Variants in AUTS2 observed in about 807,000 individuals in gnomAD.
AUTS2 encodes the protein activator of transcription and developmental regulator AUTS2.
AUTS2 carries 17 observed loss-of-function variants against 112.4 expected under a neutral mutation model. The ratio of observed to expected loss-of-function variants is 0.15; its 90% CI spans 0.10 to 0.23. The LOEUF is 0.23. Among genes scored for constraint, AUTS2 ranks in the 10% least tolerant of loss-of-function variants. The pLI, the probability that AUTS2 is intolerant of heterozygous loss-of-function variation, is 1.00. For synonymous variants in AUTS2, 751 were observed against 702.7 expected, an observed-to-expected ratio of 1.07 and a Z score of -1.09; for missense variants, 1,510 against 1,701.6, an observed-to-expected ratio of 0.89 and a Z score of 1.98.
At chr7:70,006,281 G>C (rs1799540545) in intron 2 of AUTS2, among the ~76,000 whole-genome samples, 1 of 152,156 alleles carries the variant, frequency 6.6e-6, no homozygotes, top group Non-Finnish European at 1.5e-5. Flanking sequence ...CTTCCGTGGT[G>C]ACACTTAGAA....
In AUTS2 at chr7:69,643,411, A is replaced by G. The variant is rs77370476; in HGVS notation, c.309+43449A>G. On this transcript the variant is annotated intron_variant, in intron 1 of 18. Coordinates refer to ENST00000342771, the MANE Select transcript of AUTS2 (RefSeq NM_015570.4). ...GTCTGAAGCATCTGTCAGCCACACC[A>G]TATTTCAGGTTTTTTTTTTTTCTGT... 206 of 152,694 alleles carry G rather than the reference A, an allele frequency of 1.3e-3. 1 individual carries two copies. Among genetic ancestry groups the G allele is most frequent in the East Asian group, 0.012 (64 of 5,172 alleles). The allele number at this position is 152,694 out of a possible 1,614,324, so 9.5% of individuals were successfully genotyped here. A position where few individuals can be genotyped will look rare whatever the true frequency, so the allele number is the denominator to read the frequency against.
chr7:70,343,602 T>C (rs1158109777), intron 4 of AUTS2, among the ~76,000 whole-genome samples: 1 of 152,066 alleles, frequency 6.6e-6, no homozygotes, highest in Non-Finnish European at 1.5e-5. Context: ...AAACACTAAG[T>C]GGTGGTTTCA....
chr7:70,622,129 C>T (rs1195922497), intron 5 of AUTS2, among the ~76,000 whole-genome samples: 1 of 152,080 alleles, frequency 6.6e-6, no homozygotes, highest in African/African-American at 2.4e-5. Context: ...TGAGCCATTG[C>T]GCCTGGCTAG....
At chr7:70,069,573 C>T (rs768118480) in intron 2 of AUTS2, among the ~76,000 whole-genome samples, 6 of 152,180 alleles carry the variant, frequency 3.9e-5, no homozygotes, top group Non-Finnish European at 5.9e-5. Flanking sequence ...GCAGATGACA[C>T]TGCTTATTAT....
intron 2 of AUTS2, among the ~76,000 whole-genome samples, chr7:69,904,291 A>T (rs775323323): frequency 2.1e-4 from 32 of 152,198 alleles, no homozygotes; most frequent in Non-Finnish European, 4.1e-4. Flanking sequence ...TTTTGTCTGA[A>T]GAGCTTTCTC....
chr7:69,760,214 T>TA lies in AUTS2; in HGVS notation c.310-139069dup, dbSNP rs1050893322. On this transcript the variant is annotated intron_variant, in intron 1 of 18. Transcript: ENST00000342771. ...CTTTTTTTCTTTTTTTTTTTTTTTTTAAATAGAGATAGGGTTTTCCATGTT... is the reference window on the plus strand; with the variant it reads ...CTTTTTTTCTTTTTTTTTTTTTTTTTAAAATAGAGATAGGGTTTTCCATGTT... Among the ~76,000 whole-genome samples the TA allele has an allele frequency of 3.5e-5, 5 of 143,986 alleles. 1 individual carries two copies. The highest frequency in any genetic ancestry group is 1.0e-4 in the African/African-American group (4 of 38,376). The allele number at this position is 143,986 out of a possible 152,430, so 94.5% of individuals were successfully genotyped here. A position where few individuals can be genotyped will look rare whatever the true frequency, so the allele number is the denominator to read the frequency against.
intron 4 of AUTS2, among the ~76,000 whole-genome samples, chr7:70,158,753 C>G (rs564329706): frequency 6.6e-6 from 1 of 151,836 alleles, no homozygotes; most frequent in African/African-American, 2.4e-5. Context: ...AAAAAAAATG[C>G]GGTTATTAGG....
intron 1 of AUTS2, among the ~76,000 whole-genome samples, chr7:69,771,381 G>T (rs186981963): frequency 6.6e-6 from 1 of 152,332 alleles, no homozygotes; most frequent in East Asian, 1.9e-4. Flanking sequence ...AACATGTATT[G>T]CATGCAGGTA....
At chr7:70,539,009 G>GC (rs1030926035) in intron 5 of AUTS2, among the ~76,000 whole-genome samples, 1 of 152,078 alleles carries the variant, frequency 6.6e-6, no homozygotes, top group African/African-American at 2.4e-5. Context: ...TGGTAACATA[G>GC]CCCCCTCTGG....
At chr7:69,636,135 C>G (rs1794507052) in intron 1 of AUTS2, among the ~76,000 whole-genome samples, 1 of 152,114 alleles carries the variant, frequency 6.6e-6, no homozygotes, top group African/African-American at 2.4e-5. Context: ...TTTTATTTTT[C>G]TAATTTAAAA....
chr7:70,076,422 C>T (rs939713796), intron 2 of AUTS2, among the ~76,000 whole-genome samples: 3 of 152,128 alleles, frequency 2.0e-5, no homozygotes, highest in African/African-American at 4.8e-5. Context: ...AACAAAAAGA[C>T]GTTATCCAAG....
chr7:69,977,311 C>T (rs12333653), intron 2 of AUTS2, among the ~76,000 whole-genome samples: 12,370 of 152,162 alleles, frequency 0.081, 642 homozygotes, highest in African/African-American at 0.14. Flanking sequence ...TATCTGTCTT[C>T]GTGCCAGTAC....
chr7:70,396,785 G>A lies in AUTS2; in HGVS notation c.661-38967G>A, dbSNP rs746155206. ...TTTACCTTTTCACCTACTGATGGAC[G>A]TCTGGGTTGTTTACAATTTTTGGTT... On this transcript the variant is annotated intron_variant, in intron 4 of 18. Transcript: ENST00000342771. Among the ~76,000 whole-genome samples, 45 of 152,162 alleles carry A rather than the reference G, an allele frequency of 3.0e-4. 1 individual carries two copies. The highest frequency in any genetic ancestry group is 2.7e-3 in the Admixed American group (41 of 15,286).
intron 5 of AUTS2, among the ~76,000 whole-genome samples, chr7:70,590,122 TTGTGTGTGTGTG>T (rs55775984): frequency 3.5e-5 from 5 of 143,498 alleles, no homozygotes; most frequent in Admixed American, 2.8e-4. Flanking sequence ...GTTTTTGCAT[TTGTGTGTGTGTG>T]TGTGTGTGTG....
intron 4 of AUTS2, among the ~76,000 whole-genome samples, chr7:70,429,881 G>C (rs889004008): frequency 6.6e-6 from 1 of 152,160 alleles, no homozygotes; most frequent in Non-Finnish European, 1.5e-5. Context: ...AAGAAGCATT[G>C]TGTTGAGAGA....
At chr7:70,178,983 C>T (rs894172856) in intron 4 of AUTS2, among the ~76,000 whole-genome samples, 2 of 152,140 alleles carry the variant, frequency 1.3e-5, no homozygotes, top group African/African-American at 4.8e-5. Context: ...GGTAGGACTT[C>T]CCACTGTCTC....
intron 2 of AUTS2, among the ~76,000 whole-genome samples, chr7:70,110,039 T>C (rs1267019598): frequency 1.3e-5 from 2 of 152,214 alleles, no homozygotes; most frequent in Admixed American, 1.3e-4. Flanking sequence ...GGCCTAATCA[T>C]AGAGAGTAGA....
At position 69,722,175 on chromosome 7, in the gene AUTS2, A is replaced by G. The variant is rs1436900552; in HGVS notation, c.309+122213A>G. Among the ~76,000 whole-genome samples, 3 of 151,878 alleles carry G rather than the reference A, an allele frequency of 2.0e-5. 1 individual carries two copies. Among genetic ancestry groups the G allele is most frequent in the Non-Finnish European group, 4.4e-5 (3 of 67,978 alleles). On this transcript the variant is annotated intron_variant, in intron 1 of 18. Coordinates refer to ENST00000342771, the MANE Select transcript of AUTS2 (RefSeq NM_015570.4). ...GCAAAAAAAAAAAAAATAAAAAGCA[A>G]TTCTGTTTATGGATGTATAGCAATA...
chr7:69,691,477 C>T lies in AUTS2; in HGVS notation c.309+91515C>T, dbSNP rs150979763. 2.4e-3 allele frequency among the ~76,000 whole-genome samples: 368 copies of T among 152,218 alleles called. 2 individuals are homozygous for T. The highest frequency in any genetic ancestry group is 8.4e-3 in the African/African-American group (349 of 41,522). On this transcript the variant is annotated intron_variant, in intron 1 of 18. Coordinates refer to ENST00000342771, the MANE Select transcript of AUTS2 (RefSeq NM_015570.4). Reference sequence around the variant, plus strand: ...TTTGCAGCCAAAGTCCAGAGGGGGCCGAGGTGGCAGAGGGCTGGTGTGTCA... The same window carrying T: ...TTTGCAGCCAAAGTCCAGAGGGGGCTGAGGTGGCAGAGGGCTGGTGTGTCA...
Sources: gnomAD v4.1 joint callset for allele counts (sites outside exome capture counted in the v4.1 genomes callset) on GRCh38, gnomAD v4.1.1 for gene constraint, MANE v1.5 for transcripts, NCBI Gene and HGNC (gene_info 2026-07-23, HGNC 2026-07-21) for gene names.